MAP3K19: variants seen among roughly 807,000 people sequenced by gnomAD.
MAP3K19 encodes mitogen-activated protein kinase kinase kinase 19.
In MAP3K19, 91 loss-of-function variants were observed where a neutral mutation model predicts 114.4. That is an observed-to-expected ratio of 0.80 (90% CI 0.67 to 0.95). The LOEUF is 0.95. MAP3K19 is among the 40% of genes least tolerant of loss of function. The pLI is 0.00. For synonymous variants in MAP3K19, 518 were observed against 530.5 expected, an observed-to-expected ratio of 0.98 and a Z score of 0.32; for missense variants, 1,471 against 1,573.2, an observed-to-expected ratio of 0.94 and a Z score of 1.10.
At chr2:134,968,385 A>C (rs1683552410) in intron 12 of MAP3K19, among the ~76,000 whole-genome samples, 1 of 149,752 alleles carries the variant, frequency 6.7e-6, no homozygotes. Flanking sequence ...TACACCTCCC[A>C]GACGGGGTGG....
At chr2:134,970,791 G>A (rs1398259357) in intron 12 of MAP3K19, among the ~76,000 whole-genome samples, 1 of 151,938 alleles carries the variant, frequency 6.6e-6, no homozygotes, top group Non-Finnish European at 1.5e-5. Context: ...TAGAGATGGG[G>A]TTTCACTGTG....
rs867826903 is a variant in MAP3K19 at position 134,991,354 on chromosome 2, G to A, written c.618+183C>T. ...AAACAAAACAACCGGTAGGCTATTAGTAGCTAAGTTTTGGGGGAATCAAAG... is the reference window on the plus strand; with the variant it reads ...AAACAAAACAACCGGTAGGCTATTAATAGCTAAGTTTTGGGGGAATCAAAG... On this transcript the variant is annotated intron_variant, in intron 9 of 12. Coordinates refer to ENST00000392915, the MANE Select transcript of MAP3K19 (RefSeq NM_025052.5). 32 of 626,838 alleles carry A rather than the reference G, an allele frequency of 5.1e-5. No homozygotes were observed. In the Middle Eastern group the frequency reaches 4.6e-3, roughly 90 times the overall value. 38.8% of individuals were successfully genotyped at this position (626,838 alleles called of 1,614,324 possible). A position where few individuals can be genotyped will look rare whatever the true frequency, so the allele number is the denominator to read the frequency against.
chr2:135,046,300 C>A (rs898812518), intron 1 of MAP3K19, among the ~76,000 whole-genome samples: 1 of 151,918 alleles, frequency 6.6e-6, no homozygotes, highest in Non-Finnish European at 1.5e-5. Context: ...GTTGTTGTTA[C>A]AGAGTCTCCC....
At chr2:135,008,508 C>A (rs770920600) in intron 5 of MAP3K19, among the ~76,000 whole-genome samples, 15 of 152,160 alleles carry the variant, frequency 9.9e-5, no homozygotes, top group Non-Finnish European at 1.8e-4. Flanking sequence ...CACTCTTACA[C>A]ATAGTATTAT....
chr2:134,970,436 A>G (rs934687934), intron 12 of MAP3K19, among the ~76,000 whole-genome samples: 7 of 152,100 alleles, frequency 4.6e-5, no homozygotes, highest in African/African-American at 1.7e-4. Context: ...TAGAAACACA[A>G]CAAATTTTCG....
chr2:134,986,310 G>C lies in MAP3K19; in HGVS notation c.2562C>G (p.Asp854Glu). The C allele has an allele frequency of 6.2e-7, 1 of 1,613,878 alleles. No individual in the cohort carries two copies. The highest frequency in any genetic ancestry group is 8.5e-7 in the Non-Finnish European group (1 of 1,179,954). The change falls in exon 10 of 13, where the codon GAC (aspartate) becomes GAG (glutamate). Residue 854 changes from aspartate (D) to glutamate (E), a missense_variant. By Grantham distance (45) the Asp-to-Glu change is conservative. Coordinates refer to ENST00000392915, the MANE Select transcript of MAP3K19 (RefSeq NM_025052.5). The stretch of plus-strand genomic sequence containing the variant: ...TCTTCTCACTGGGCACTGCCCAGCT[G>C]TCTTCTGAAGGGATAAATGGGATCT... ...HHQIPFIPSE[D>E]SWAVPSEKNS... is the part of the protein sequence containing the mutation.
At position 134,987,638 on chromosome 2, in the gene MAP3K19, T is replaced by A; in HGVS notation, c.1234A>T (p.Asn412Tyr). 1 of 1,614,172 alleles carries A rather than the reference T, an allele frequency of 6.2e-7. No individual in the cohort carries two copies. Among genetic ancestry groups the A allele is most frequent in the Non-Finnish European group, 8.5e-7 (1 of 1,180,042 alleles). ...ITPSQDEEMR[N>Y]NKAASKRVSL... Reference sequence around the variant, plus strand: ...ACTCTTTTTGAAGCAGCTTTATTATTTCTCATCTCTTCATCCTGGCTTGGA... The same window carrying A: ...ACTCTTTTTGAAGCAGCTTTATTATATCTCATCTCTTCATCCTGGCTTGGA... The change falls in exon 10 of 13, where the codon AAT becomes TAT. Residue 412 changes from asparagine to tyrosine, a missense_variant. Physicochemically the swap from Asn to Tyr is moderately radical, Grantham distance 143. Transcript: ENST00000392915.
intron 8 of MAP3K19, among the ~76,000 whole-genome samples, chr2:134,996,815 A>G (rs1267440068): frequency 6.6e-6 from 1 of 152,188 alleles, no homozygotes. Flanking sequence ...TGGGAGGATC[A>G]CTTTAGCCCA....
At chr2:134,996,904 C>T (rs1686031469) in intron 8 of MAP3K19, among the ~76,000 whole-genome samples, 1 of 151,938 alleles carries the variant, frequency 6.6e-6, no homozygotes, top group Non-Finnish European at 1.5e-5. Flanking sequence ...ACAAAACTAG[C>T]CAGGCGTGGT....
chr2:135,023,317 C>T (rs953662785), intron 4 of MAP3K19: 8 of 416,948 alleles, frequency 1.9e-5, no homozygotes, highest in South Asian at 1.1e-4. Flanking sequence ...GTCCTGATGT[C>T]CCCACCGCTC....
chr2:134,996,835 TAAC>T (rs1179426944), intron 8 of MAP3K19, among the ~76,000 whole-genome samples: 2 of 151,966 alleles, frequency 1.3e-5, no homozygotes, highest in African/African-American at 4.8e-5. Context: ...AAGAGTTCAG[TAAC>T]AGCCTGGGCA....
At chr2:134,980,757 G>T in intron 12 of MAP3K19, 64 bp downstream of exon 12, 1 of 1,451,478 alleles carries the variant, frequency 6.9e-7, no homozygotes, top group East Asian at 2.3e-5. Context: ...AAATTGAAAG[G>T]GAAATGTCTG....
intron 12 of MAP3K19, among the ~76,000 whole-genome samples, chr2:134,973,718 T>C (rs575032115): frequency 1.4e-3 from 215 of 152,318 alleles, no homozygotes; most frequent in Non-Finnish European, 2.7e-3. Context: ...GGTGGTTTTC[T>C]GTAGTGTTAA....
intron 5 of MAP3K19, among the ~76,000 whole-genome samples, chr2:135,012,535 A>T (rs1687301806): frequency 6.6e-6 from 1 of 152,170 alleles, no homozygotes; most frequent in Non-Finnish European, 1.5e-5. Flanking sequence ...TTTAATTTTC[A>T]CTTAATTTTT....
chr2:135,012,912 CTG>C (rs1687329318), intron 5 of MAP3K19, among the ~76,000 whole-genome samples: 1 of 151,956 alleles, frequency 6.6e-6, no homozygotes, highest in African/African-American at 2.4e-5. Context: ...TCTTGTATAA[CTG>C]TTTTATTTTC....
In MAP3K19 at chr2:134,979,641, G is replaced by GTTTTT. The variant is rs774229914; in HGVS notation, c.3920+1175_3920+1179dup. The stretch of plus-strand genomic sequence containing the variant: ...TACGATTTTCCAACACATTTATGCG[G>GTTTTT]TTTTTTTTTTTTTTTTTTTTGGAGA... On this transcript the variant is annotated intron_variant, in intron 12 of 12. Coordinates refer to ENST00000392915, the MANE Select transcript of MAP3K19 (RefSeq NM_025052.5). Among the ~76,000 whole-genome samples, 73 of 117,738 alleles carry GTTTTT rather than the reference G, an allele frequency of 6.2e-4. 1 individual carries two copies. Among genetic ancestry groups the GTTTTT allele is most frequent in the East Asian group, 2.4e-3 (9 of 3,732 alleles). The allele number at this position is 117,738 out of a possible 152,430, so 77.2% of individuals were successfully genotyped here.
chr2:135,006,913 C>G (rs902851190), intron 5 of MAP3K19, among the ~76,000 whole-genome samples: 1 of 151,994 alleles, frequency 6.6e-6, no homozygotes, highest in Non-Finnish European at 1.5e-5. Context: ...CATGGTGAGT[C>G]ACACCTATAA....
At chr2:134,974,038 G>A (rs1684060048) in intron 12 of MAP3K19, among the ~76,000 whole-genome samples, 1 of 151,784 alleles carries the variant, frequency 6.6e-6, no homozygotes, top group African/African-American at 2.4e-5. Context: ...TTTTGCTGTT[G>A]TTGCCCAGGC....
At chr2:135,002,547 C>A (rs149608980) in intron 6 of MAP3K19, among the ~76,000 whole-genome samples, 1 of 150,586 alleles carries the variant, frequency 6.6e-6, no homozygotes. Context: ...CATGGAGGTT[C>A]AAAATATTTT....
Sources: gnomAD v4.1 joint callset for allele counts (sites outside exome capture counted in the v4.1 genomes callset) on GRCh38, gnomAD v4.1.1 for gene constraint, MANE v1.5 for transcripts, NCBI Gene and HGNC (gene_info 2026-07-23, HGNC 2026-07-21) for gene names.